Variants in LAMA2 observed in about 807,000 individuals in gnomAD.
LAMA2 encodes laminin subunit alpha-2.
A neutral mutation model predicts 364.8 loss-of-function variants in LAMA2; 269 were observed. That is an observed-to-expected ratio of 0.74 (90% CI 0.67 to 0.82). LAMA2 has a LOEUF of 0.82. Among genes scored for constraint, LAMA2 ranks in the 40% least tolerant of loss-of-function variants. The pLI is 0.00. For synonymous variants in LAMA2, 1,379 were observed against 1,370.6 expected (o/e 1.01, Z -0.14); for missense variants, 3,807 against 3,873.2 (o/e 0.98, Z 0.45).
At chr6:129,020,529 A>T (rs1785387390) in intron 1 of LAMA2, among the ~76,000 whole-genome samples, 1 of 152,156 alleles carries the variant, frequency 6.6e-6, no homozygotes, top group Admixed American at 6.5e-5. Context: ...TGGTGGCAAC[A>T]AGCTGTGGGA....
At chr6:129,134,271 A>G (rs1389431902) in intron 4 of LAMA2, among the ~76,000 whole-genome samples, 1 of 152,194 alleles carries the variant, frequency 6.6e-6, no homozygotes, top group African/African-American at 2.4e-5. Flanking sequence ...TTTGTTATTA[A>G]CATATTTTCT....
At position 129,353,289 on chromosome 6, in the gene LAMA2, C is replaced by T. The variant is rs1554278657; in HGVS notation, c.4649C>T (p.Pro1550Leu). 4.3e-6 allele frequency: 7 copies of T among 1,614,130 alleles called. No individual in the cohort carries two copies. The highest frequency in any genetic ancestry group is 5.9e-6 in the Non-Finnish European group (7 of 1,179,988). The change falls in exon 32 of 65, where the codon CCT becomes CTT. Residue 1550 changes from proline to leucine, a missense_variant. Transcript: ENST00000421865. ...GTCACAGGATTCTGCACGTGCCGAC[C>T]TGGAGCCACGGGAAGGAAGTGTGAC... is the stretch of plus-strand genomic sequence containing the variant. The part of the protein sequence containing the change: ...DPVTGFCTCR[P>L]GATGRKCDGC...
chr6:129,071,829 G>A (rs1206303289), intron 3 of LAMA2, among the ~76,000 whole-genome samples: 1 of 152,050 alleles, frequency 6.6e-6, no homozygotes, highest in African/African-American at 2.4e-5. Flanking sequence ...ATATGGCAGT[G>A]ACTTGAAAAC....
At position 129,343,856 on chromosome 6, in the gene LAMA2, G is replaced by A. The variant is rs2451677; in HGVS notation, c.4436+1389G>A. Reference sequence around the variant, plus strand: ...AAAGAAATAGTAGCATGTATAATGGGTCTTAAACAATTAATTTCAGGATTT... The same window carrying A: ...AAAGAAATAGTAGCATGTATAATGGATCTTAAACAATTAATTTCAGGATTT... On this transcript the variant is annotated intron_variant, in intron 30 of 64. Coordinates refer to ENST00000421865, the MANE Select transcript of LAMA2 (RefSeq NM_000426.4). Among the ~76,000 whole-genome samples the A allele has an allele frequency of 2.9e-3, 445 of 152,236 alleles. 1 individual carries two copies. Among genetic ancestry groups the A allele is most frequent in the African/African-American group, 9.9e-3 (412 of 41,546 alleles).
Position 129,109,217 on chromosome 6 carries a change from T to TG in LAMA2, c.639+10807dup, listed in dbSNP as rs1775999290. Among the ~76,000 whole-genome samples, 5 of 152,140 alleles carry TG rather than the reference T, an allele frequency of 3.3e-5. No homozygotes were observed. The South Asian group carries it at 1.0e-3, about 32-fold the overall frequency. ...AACACAGAATCTGTTGATTCTGTGT[T>TG]GGGGGCAGAGGCTGGGAGAAATAGG... On this transcript the variant is annotated intron_variant, in intron 4 of 64. Transcript: ENST00000421865.
chr6:128,990,928 C>T (rs1432621111), intron 1 of LAMA2, among the ~76,000 whole-genome samples: 1 of 152,088 alleles, frequency 6.6e-6, no homozygotes, highest in Non-Finnish European at 1.5e-5. Context: ...AAGAACCGCT[C>T]TACAGAGCTA....
chr6:128,990,847 G>T (rs1211769787), intron 1 of LAMA2, among the ~76,000 whole-genome samples: 1 of 152,012 alleles, frequency 6.6e-6, no homozygotes, highest in African/African-American at 2.4e-5. Flanking sequence ...AAATTATACA[G>T]TATTATATAT....
intron 3 of LAMA2, among the ~76,000 whole-genome samples, chr6:129,065,505 A>G (rs953206747): frequency 6.6e-6 from 1 of 152,152 alleles, no homozygotes; most frequent in Non-Finnish European, 1.5e-5. Flanking sequence ...ACATATAGAA[A>G]ACCCTGACTC....
chr6:129,296,634 C>A (rs746383105), intron 20 of LAMA2, among the ~76,000 whole-genome samples: 1 of 151,882 alleles, frequency 6.6e-6, no homozygotes. Context: ...TTATTAATTT[C>A]TCTTTGGGTG....
intron 3 of LAMA2, among the ~76,000 whole-genome samples, chr6:129,094,211 C>T (rs1369040391): frequency 1.3e-5 from 2 of 152,154 alleles, no homozygotes; most frequent in Non-Finnish European, 2.9e-5. Flanking sequence ...CTATTCACTA[C>T]ATTTTAAAAG....
chr6:129,353,298 C>T lies in LAMA2; in HGVS notation c.4658C>T (p.Thr1553Met), dbSNP rs1166200402. The change falls in exon 32 of 65, where the codon ACG becomes ATG. Residue 1553 changes from threonine to methionine, a missense_variant. Thr to Met is a moderately conservative substitution (Grantham distance 81). Around this residue, in one of 3 missense-constraint regions of LAMA2, gnomAD observed 3,333 missense variants for 3,345.7 expected, o/e 1.00. Coordinates refer to ENST00000421865, the MANE Select transcript of LAMA2 (RefSeq NM_000426.4). ...TGFCTCRPGA[T>M]GRKCDGCKHW... ...TTCTGCACGTGCCGACCTGGAGCCACGGGAAGGAAGTGTGACGGCTGCAAG... is the reference window on the plus strand; with the variant it reads ...TTCTGCACGTGCCGACCTGGAGCCATGGGAAGGAAGTGTGACGGCTGCAAG... 1.2e-5 allele frequency: 19 copies of T among 1,613,918 alleles called. No individual in the cohort carries two copies. The highest frequency in any genetic ancestry group is 7.7e-5 in the South Asian group (7 of 91,072).
chr6:129,267,596 A>G (rs528096634), intron 16 of LAMA2, among the ~76,000 whole-genome samples: 13 of 152,250 alleles, frequency 8.5e-5, no homozygotes, highest in African/African-American at 3.1e-4. Flanking sequence ...TGAAAAGTGT[A>G]AAATATAACC....
chr6:129,330,830 T>G (rs1272811470), intron 29 of LAMA2, among the ~76,000 whole-genome samples: 1 of 151,984 alleles, frequency 6.6e-6, no homozygotes, highest in Non-Finnish European at 1.5e-5. Context: ...TCAAGTGAAC[T>G]CCAACACTGT....
intron 38 of LAMA2, 100 bp from the exon 39 acceptor site, chr6:129,402,224 A>G (rs1356847744): frequency 3.2e-6 from 3 of 936,566 alleles, no homozygotes; most frequent in Non-Finnish European, 4.8e-6. Context: ...AAAAAAAAAA[A>G]AAACTAAACT....
chr6:129,214,252 T>C (rs1783284437), intron 12 of LAMA2, among the ~76,000 whole-genome samples: 1 of 152,136 alleles, frequency 6.6e-6, no homozygotes, highest in African/African-American at 2.4e-5. Context: ...GGTGGAGAAG[T>C]GGAAGAAAAA....
intron 1 of LAMA2, among the ~76,000 whole-genome samples, chr6:128,958,499 AAT>A (rs1363842229): frequency 2.6e-5 from 4 of 152,074 alleles, no homozygotes; most frequent in African/African-American, 9.7e-5. Context: ...AACCTATTAT[AAT>A]GTGTGATTTG....
At chr6:129,293,061 G>A (rs1309032323) in intron 20 of LAMA2, 1 of 985,958 alleles carries the variant, frequency 1.0e-6, no homozygotes, top group Non-Finnish European at 1.2e-6. Flanking sequence ...TCGGGCCCCA[G>A]CTCCGGTAAT....
intron 12 of LAMA2, among the ~76,000 whole-genome samples, chr6:129,213,820 T>G (rs944784174): frequency 1.3e-5 from 2 of 152,212 alleles, no homozygotes; most frequent in Non-Finnish European, 2.9e-5. Context: ...TCTTATTCTC[T>G]TCACAGTGTC....
intron 30 of LAMA2, among the ~76,000 whole-genome samples, chr6:129,345,815 C>CT (rs1776516818): frequency 6.6e-6 from 1 of 152,110 alleles, no homozygotes; most frequent in African/African-American, 2.4e-5. Flanking sequence ...ATATCACCAT[C>CT]TAAAGCTTGG....
Sources: gnomAD v4.1 joint callset for allele counts (sites outside exome capture counted in the v4.1 genomes callset) on GRCh38, gnomAD v4.1.1 for gene constraint, gnomAD v4.1.1 regional missense constraint, MANE v1.5 for transcripts, NCBI Gene and HGNC (gene_info 2026-07-23, HGNC 2026-07-21) for gene names.